The following PALM2AKAP2 variants were observed in gnomAD, a reference collection of about 807,000 sequenced individuals.
The protein encoded by PALM2AKAP2 is PALM2 and AKAP2 fusion.
In PALM2AKAP2, 37 loss-of-function variants were observed where a neutral mutation model predicts 71.5. The observed-to-expected ratio is 0.52, with a 90% CI of 0.40 to 0.68. The LOEUF is 0.68. Among genes scored for constraint, PALM2AKAP2 ranks in the 30% least tolerant of loss-of-function variants. The pLI, the probability that PALM2AKAP2 is intolerant of heterozygous loss-of-function variation, is 0.00. For synonymous variants in PALM2AKAP2, 468 were observed against 478.8 expected (o/e 0.98, Z 0.29); for missense variants, 1,224 against 1,191.8 (o/e 1.03, Z -0.40).
At chr9:110,115,100 G>A (rs569082646) in intron 1 of PALM2AKAP2, among the ~76,000 whole-genome samples, 20 of 152,306 alleles carry the variant, frequency 1.3e-4, no homozygotes, top group East Asian at 3.9e-4. Flanking sequence ...ATTCAGAGCC[G>A]TAAAAGCAGT....
In PALM2AKAP2 at chr9:110,131,264, G is replaced by A. The variant is rs184927281; in HGVS notation, c.157-4863G>A. On this transcript the variant is annotated intron_variant, in intron 1 of 3. Transcript: ENST00000374525. ...TGTCGTGGTATTAGGGCTCTACCTG[G>A]AGGGTGAACTGGGCCGATCTAAAAA... Among the ~76,000 whole-genome samples, 566 of 152,320 alleles carry A rather than the reference G, an allele frequency of 3.7e-3. 2 individuals are homozygous for A. The highest frequency in any genetic ancestry group is 0.012 in the African/African-American group (514 of 41,570).
intron 5 of PALM2AKAP2, among the ~76,000 whole-genome samples, chr9:109,930,339 C>T (rs1157022762): frequency 6.6e-6 from 1 of 152,102 alleles, no homozygotes; most frequent in East Asian, 1.9e-4. Context: ...GATCCTCCTG[C>T]CTCAGCCCCT....
chr9:110,135,172 A>ATATATATATATATATATAT (rs58573716), intron 1 of PALM2AKAP2, among the ~76,000 whole-genome samples: 1 of 61,096 alleles, frequency 1.6e-5, no homozygotes, highest in African/African-American at 6.1e-5. Flanking sequence ...AAAATATATA[A>ATATATATATATATATATAT]ATATATATAT....
At chr9:110,135,335 C>A (rs928174128) in intron 1 of PALM2AKAP2, among the ~76,000 whole-genome samples, 207 of 17,732 alleles carry the variant, frequency 0.012, no homozygotes, top group Non-Finnish European at 0.013. Context: ...GCCCTCAAGA[C>A]AAAAAACCTC....
At chr9:109,801,694 G>T (rs1341534738) in intron 1 of PALM2AKAP2, among the ~76,000 whole-genome samples, 1 of 151,024 alleles carries the variant, frequency 6.6e-6, no homozygotes, top group African/African-American at 2.5e-5. Flanking sequence ...TGGGCCAGCT[G>T]CCCAGGTGTT....
At chr9:110,128,477 T>G (rs748370483) in intron 1 of PALM2AKAP2, among the ~76,000 whole-genome samples, 1 of 152,242 alleles carries the variant, frequency 6.6e-6, no homozygotes, top group Non-Finnish European at 1.5e-5. Context: ...AAGAGTGAGT[T>G]TATATTTTTG....
At chr9:109,640,958 G>T in intron 1 of PALM2AKAP2, 8 of 1,422,104 alleles carry the variant, frequency 5.6e-6, no homozygotes, top group Non-Finnish European at 7.3e-6. Context: ...TCGGGTCCGC[G>T]TCCAGGATGG....
At chr9:109,827,623 A>T (rs1467976916) in intron 1 of PALM2AKAP2, among the ~76,000 whole-genome samples, 1 of 152,168 alleles carries the variant, frequency 6.6e-6, no homozygotes, top group African/African-American at 2.4e-5. Flanking sequence ...AAGAAAAAAA[A>T]TTATGAGTTG....
intron 1 of PALM2AKAP2, among the ~76,000 whole-genome samples, chr9:109,784,377 C>T (rs1211452203): frequency 6.6e-6 from 1 of 152,158 alleles, no homozygotes; most frequent in Non-Finnish European, 1.5e-5. Context: ...AAAAAGAAGA[C>T]ATTAGAGTAA....
chr9:110,110,542 CTTTTTTTTTTTTTT>C, intron 1 of PALM2AKAP2, among the ~76,000 whole-genome samples: 1 of 95,366 alleles, frequency 1.0e-5, no homozygotes, highest in Non-Finnish European at 2.0e-5. Flanking sequence ...TTTCTGAACT[CTTTTTTTTTTTTTT>C]TTTTTTTTTT....
At chr9:110,045,225 T>C (rs1324980069), upstream of PALM2AKAP2, among the ~76,000 whole-genome samples, 3 of 152,216 alleles carry the variant, frequency 2.0e-5, no homozygotes, top group Non-Finnish European at 4.4e-5. Flanking sequence ...GTATAGGGCC[T>C]GTGGGAACAT....
intron 1 of PALM2AKAP2, chr9:109,760,723 A>T (rs1829037707): frequency 6.6e-6 from 1 of 152,214 alleles, no homozygotes. Flanking sequence ...GTGTTAGCCC[A>T]CTGTATAAGA....
At chr9:109,898,642 T>G (rs1307102864) in intron 3 of PALM2AKAP2, among the ~76,000 whole-genome samples, 1 of 152,226 alleles carries the variant, frequency 6.6e-6, no homozygotes, top group African/African-American at 2.4e-5. Flanking sequence ...CTATACTTTA[T>G]GAAGATCTTA....
intron 1 of PALM2AKAP2, among the ~76,000 whole-genome samples, chr9:110,088,701 G>GTGTTTTTT (rs1834628573): frequency 1.5e-5 from 1 of 65,682 alleles, no homozygotes. Context: ...TTGCATTTAC[G>GTGTTTTTT]TGTTTTTTTT....
intron 1 of PALM2AKAP2, 127 bp from the exon 8 acceptor site, chr9:110,136,000 C>A: frequency 8.4e-7 from 1 of 1,194,062 alleles, no homozygotes; most frequent in Non-Finnish European, 1.1e-6. Flanking sequence ...TAGAAAATAT[C>A]TATTCAAAAG....
upstream of PALM2AKAP2, among the ~76,000 whole-genome samples, chr9:109,776,148 A>G (rs1829345843): frequency 2.6e-5 from 4 of 152,258 alleles, no homozygotes; most frequent in South Asian, 8.3e-4. Flanking sequence ...CCAAACATCT[A>G]ATATAAAATA....
intron 1 of PALM2AKAP2, among the ~76,000 whole-genome samples, chr9:109,824,875 T>C (rs892715428): frequency 1.3e-5 from 2 of 152,244 alleles, no homozygotes; most frequent in Admixed American, 1.3e-4. Context: ...TTTCTTATGA[T>C]TGCTGTTAAC....
intron 1 of PALM2AKAP2, among the ~76,000 whole-genome samples, chr9:109,812,263 C>A (rs777361766): frequency 1.6e-4 from 24 of 151,984 alleles, no homozygotes; most frequent in Non-Finnish European, 3.2e-4. Flanking sequence ...ACAGACAGAA[C>A]CATGAGGGAG....
chr9:109,663,706 C>T (rs2118464641), intron 1 of PALM2AKAP2, among the ~76,000 whole-genome samples: 1 of 152,288 alleles, frequency 6.6e-6, no homozygotes, highest in South Asian at 2.1e-4. Flanking sequence ...ATTAGGTCTG[C>T]TTGTTGCAGA....
Sources: allele counts gnomAD v4.1 joint callset (sites outside exome capture counted in the v4.1 genomes callset), GRCh38; gene constraint gnomAD v4.1.1; transcripts MANE v1.5; gene names NCBI Gene and HGNC (gene_info 2026-07-23, HGNC 2026-07-21).